ERCC3: variants seen among roughly 807,000 people sequenced by gnomAD.
ERCC3 encodes the protein ERCC excision repair 3, TFIIH core complex helicase subunit, also known as general transcription and DNA repair factor IIH helicase/translocase subunit XPB.
In ERCC3, 66 loss-of-function variants were observed where a neutral mutation model predicts 94.2. That is an observed-to-expected ratio of 0.70 (90% CI 0.57 to 0.86). The LOEUF (loss-of-function observed/expected upper bound fraction) is 0.86. Ranked by LOEUF, ERCC3 falls within the 40% of genes least tolerant of loss-of-function variation. The pLI is 0.00. For missense variants in ERCC3, 829 were observed against 987.1 expected, an observed-to-expected ratio of 0.84 and a Z score of 2.15; for synonymous variants, 349 against 369.1, an observed-to-expected ratio of 0.95 and a Z score of 0.63.
chr2:127,280,763 G>A lies in ERCC3; in HGVS notation c.1343-132C>T, dbSNP rs562354978. ...GCTGGTCTTGAACTCCTGGCCTCAA[G>A]CAATCCCCCTGCCTTCGCCTCCCAA... is the stretch of plus-strand genomic sequence containing the variant. On this transcript the variant is annotated intron_variant, in intron 8 of 14. Transcript: ENST00000285398. This position sits in a 1 kb window ranked among gnomAD's most constrained non-coding sequence, Gnocchi z 6.3. 2.4e-6 allele frequency: 2 copies of A among 832,934 alleles called. No individual in the cohort carries two copies. Among genetic ancestry groups the A allele is most frequent in the East Asian group, 2.7e-5 (1 of 37,256 alleles). The allele number at this position is 832,934 out of a possible 1,614,324, so 51.6% of individuals were successfully genotyped here.
chr2:127,288,301 A>C (rs1179558705), intron 7 of ERCC3, among the ~76,000 whole-genome samples: 1 of 152,224 alleles, frequency 6.6e-6, no homozygotes, highest in African/African-American at 2.4e-5. Flanking sequence ...AACCCCACTA[A>C]GTGCAACAGC....
At position 127,286,715 on chromosome 2, in the gene ERCC3, G is replaced by A. The variant is rs1685078726; in HGVS notation, c.1330C>T (p.His444Tyr). 1 of 1,613,940 alleles carries A rather than the reference G, an allele frequency of 6.2e-7. No homozygotes were observed. The highest frequency in any genetic ancestry group is 8.5e-7 in the Non-Finnish European group (1 of 1,179,902). The change falls in exon 8 of 15, where the codon CAC becomes TAC. Residue 444 changes from histidine to tyrosine, a missense_variant. Physicochemically the swap from His to Tyr is moderately conservative, Grantham distance 83. Coordinates refer to ENST00000285398, the MANE Select transcript of ERCC3 (RefSeq NM_000122.2). The part of the protein sequence containing the change: ...EWGLMILDEV[H>Y]TIPAKMFRRV... ...CCAGCCTGCTTACCTGGTATGGTGTGCACTTCATCCAGGATCATGAGGCCC... is the reference window on the plus strand; with the variant it reads ...CCAGCCTGCTTACCTGGTATGGTGTACACTTCATCCAGGATCATGAGGCCC...
At chr2:127,268,727 C>A (rs1040806556) in intron 12 of ERCC3, among the ~76,000 whole-genome samples, 3 of 152,156 alleles carry the variant, frequency 2.0e-5, no homozygotes, top group African/African-American at 7.2e-5. Context: ...GAAAGTCTGA[C>A]GGCTATGTGC....
Position 127,289,739 on chromosome 2 carries a change from CAG to C in ERCC3, c.605_606del (p.Ser202Ter). 1 of 1,614,150 alleles carries C rather than the reference CAG, an allele frequency of 6.2e-7. No homozygotes were observed. Among genetic ancestry groups the C allele is most frequent in the Non-Finnish European group, 8.5e-7 (1 of 1,180,030 alleles). On this transcript the variant is annotated frameshift_variant, in exon 5 of 15. Transcript: ENST00000285398. LOFTEE classifies it high-confidence loss of function. ...PVIRECRLRN[S>X]EGEATELITE... ...GTGATGAGCTCAGTGGCCTCCCCTT[CAG>C]AGTTTCTTAAGCGGCATTCTCGGAT...
chr2:127,268,984 TG>T (rs141635701), intron 12 of ERCC3, among the ~76,000 whole-genome samples: 10,870 of 152,240 alleles, frequency 0.071, 551 homozygotes, highest in African/African-American at 0.14. Flanking sequence ...CCGTGACAAC[TG>T]AGATGGCTAC....
chr2:127,272,676 A>G (rs1355813626), intron 11 of ERCC3, among the ~76,000 whole-genome samples, 189 bp downstream of exon 11: 3 of 152,188 alleles, frequency 2.0e-5, no homozygotes, highest in African/African-American at 7.2e-5. Flanking sequence ...TCCATGATGC[A>G]TGCAAATCCT....
rs1684095555 is a variant in ERCC3 at position 127,258,639 on chromosome 2, T to C, written c.2217+657A>G. On this transcript the variant is annotated intron_variant, in intron 14 of 14. Transcript: ENST00000285398. The surrounding 1 kb of genome is among the most constrained non-coding windows in gnomAD (Gnocchi z 4.1). ...GCAGTTGCTCACCTTCCGGCTCTAA[T>C]GGCAACTGAATTTCAAACGCACCTG... is the stretch of plus-strand genomic sequence containing the variant. Among the ~76,000 whole-genome samples, 1 of 152,160 alleles carries C rather than the reference T, an allele frequency of 6.6e-6. No homozygotes were observed. The highest frequency in any genetic ancestry group is 6.5e-5 in the Admixed American group (1 of 15,280).
rs1166595225 is a variant in ERCC3, at chr2:127,279,965, T to A, written c.1527+482A>T. 2.0e-5 allele frequency among the ~76,000 whole-genome samples: 3 copies of A among 152,136 alleles called. No homozygotes were observed. Among genetic ancestry groups the A allele is most frequent in the African/African-American group, 7.2e-5 (3 of 41,418 alleles). ...GAAACCAGATTCTCAATTGGTAGTG[T>A]CAGCAATTCTTCCATTTAAGCCACA... On this transcript the variant is annotated intron_variant, in intron 9 of 14. Transcript: ENST00000285398. This position sits in a 1 kb window ranked among gnomAD's most constrained non-coding sequence, Gnocchi z 4.7.
At chr2:127,261,031 GT>G (rs1423037083) in intron 13 of ERCC3, 196 bp downstream of exon 13, 4 of 608,934 alleles carry the variant, frequency 6.6e-6, no homozygotes, top group Non-Finnish European at 9.0e-6. Context: ...TGGCACCTCA[GT>G]CCTGCCAGGA....
chr2:127,272,881 G>A lies in ERCC3; in HGVS notation c.1811C>T (p.Thr604Ile). 1 of 1,612,686 alleles carries A rather than the reference G, an allele frequency of 6.2e-7. No homozygotes were observed. Among genetic ancestry groups the A allele is most frequent in the Non-Finnish European group, 8.5e-7 (1 of 1,178,734 alleles). The change falls in exon 11 of 15, where the codon ACC becomes ATC. Residue 604 changes from threonine to isoleucine, a missense_variant. Coordinates refer to ENST00000285398, the MANE Select transcript of ERCC3 (RefSeq NM_000122.2). ...CACACAAACCTTGGATATGAAGATG[G>A]TGTTAATTTTGGGGTTGTGCTTGAA... ...QNFKHNPKIN[T>I]IFISKVGDTS... is the part of the protein sequence containing the mutation.
chr2:127,269,578 C>T (rs937969422), intron 12 of ERCC3, among the ~76,000 whole-genome samples: 3 of 151,412 alleles, frequency 2.0e-5, no homozygotes, highest in East Asian at 3.9e-4. Context: ...CCCGCCACCA[C>T]GCCCAGCTAA....
In ERCC3 at chr2:127,294,114, G is replaced by C. The variant is rs768090828; in HGVS notation, c.-33C>G. Reference sequence around the variant, plus strand: ...ACAGCAGCAGAGAGAAGATGACCCCGCTCCCACAGGCCCGCCGCGGCATCC... The same window carrying C: ...ACAGCAGCAGAGAGAAGATGACCCCCCTCCCACAGGCCCGCCGCGGCATCC... On this transcript the variant is annotated 5_prime_UTR_variant, in exon 1 of 15. Transcript: ENST00000285398. The C allele has an allele frequency of 6.2e-7, 1 of 1,601,990 alleles. No individual in the cohort carries two copies. Among genetic ancestry groups the C allele is most frequent in the Non-Finnish European group, 8.5e-7 (1 of 1,177,898 alleles).
chr2:127,278,266 A>G (rs1227612450), intron 10 of ERCC3, among the ~76,000 whole-genome samples: 1 of 151,934 alleles, frequency 6.6e-6, no homozygotes, highest in African/African-American at 2.4e-5. Context: ...AAAGGAAGAA[A>G]GAAAGAAATA....
Position 127,277,676 on chromosome 2 carries a change from C to A in ERCC3, c.1730+1497G>T, listed in dbSNP as rs546168659. 3.3e-5 allele frequency among the ~76,000 whole-genome samples: 5 copies of A among 151,892 alleles called. No individual in the cohort carries two copies. Among genetic ancestry groups the A allele is most frequent in the African/African-American group, 1.2e-4 (5 of 41,442 alleles). On this transcript the variant is annotated intron_variant, in intron 10 of 14. Transcript: ENST00000285398. This position sits in a 1 kb window ranked among gnomAD's most constrained non-coding sequence, Gnocchi z 5.1. ...ACTGCACTCCAGCCTGGCAACAGAG[C>A]AAGACTCCGTCTCAAAAAAAAAAGG...
intron 8 of ERCC3, among the ~76,000 whole-genome samples, chr2:127,282,735 T>G (rs547222190): frequency 6.6e-6 from 1 of 152,306 alleles, no homozygotes; most frequent in Middle Eastern, 3.4e-3. Context: ...AAAAATCCCT[T>G]AGAGTTTGTT....
At position 127,259,496 on chromosome 2, in the gene ERCC3, C is replaced by T; in HGVS notation, c.2065-48G>A. 6.2e-7 allele frequency: 1 copy of T among 1,611,888 alleles called. No individual in the cohort carries two copies. Among genetic ancestry groups the T allele is most frequent in the Non-Finnish European group, 8.5e-7 (1 of 1,179,600 alleles). On this transcript the variant is annotated intron_variant, in intron 13 of 14. Coordinates refer to ENST00000285398, the MANE Select transcript of ERCC3 (RefSeq NM_000122.2). This position sits in a 1 kb window ranked among gnomAD's most constrained non-coding sequence, Gnocchi z 4.9. ...CATGCCCCTTTCTGCTCTCTCTCCC[C>T]AGCCCTCCTCTGCCTTCTCCTGGGT...
At chr2:127,290,635 G>C in intron 3 of ERCC3, 2 of 333,068 alleles carry the variant, frequency 6.0e-6, no homozygotes, top group Non-Finnish European at 1.2e-5. Flanking sequence ...AGTAATTGCG[G>C]CTTAAATAAA....
At chr2:127,269,904 G>C (rs7559907) in intron 12 of ERCC3, among the ~76,000 whole-genome samples, 11,847 of 151,952 alleles carry the variant, frequency 0.078, 693 homozygotes, top group African/African-American at 0.17. Context: ...CCTGTAGTCC[G>C]GGTACTCGGG....
In ERCC3 at chr2:127,288,694, C is replaced by T. The variant is rs148629399; in HGVS notation, c.993G>A (p.Gly331=). 8 of 1,614,156 alleles carry T rather than the reference C, an allele frequency of 5.0e-6. No homozygotes were observed. Among genetic ancestry groups the T allele is most frequent in the Non-Finnish European group, 6.8e-6 (8 of 1,180,024 alleles). The part of the protein sequence containing the change: ...EKSLRKMFGN[G]RARSGVIVLP... Reference sequence around the variant, plus strand: ...GAACAATGACCCCCGAACGTGCACGCCCGTTTCCAAACATCTTTCGCAAGC... The same window carrying T: ...GAACAATGACCCCCGAACGTGCACGTCCGTTTCCAAACATCTTTCGCAAGC... Residue 331 remains glycine (G), a synonymous_variant, in exon 7 of 15, where the codon GGG becomes GGA. Coordinates refer to ENST00000285398, the MANE Select transcript of ERCC3 (RefSeq NM_000122.2).
Sources: allele counts gnomAD v4.1 joint callset (sites outside exome capture counted in the v4.1 genomes callset), GRCh38; gene constraint gnomAD v4.1.1; non-coding constraint Gnocchi (gnomAD v3.1); transcripts MANE v1.5; gene names NCBI Gene and HGNC (gene_info 2026-07-23, HGNC 2026-07-21).